The following TNFSF4 variants were observed in gnomAD, a reference collection of about 807,000 sequenced individuals.
The protein encoded by TNFSF4 is TNF superfamily member 4, also known as tumor necrosis factor ligand superfamily member 4.
Under a neutral mutation model 7.3 loss-of-function variants are expected in TNFSF4, and 4 were observed. That is an observed-to-expected ratio of 0.55 (90% CI 0.27 to 1.25). The LOEUF (loss-of-function observed/expected upper bound fraction) is 1.25. TNFSF4 is among the 50% of genes most tolerant of loss of function. TNFSF4 has a pLI of 0.12. For missense variants in TNFSF4, 181 were observed against 208.8 expected, an observed-to-expected ratio of 0.87 and a Z score of 0.82; for synonymous variants, 76 against 83.7, an observed-to-expected ratio of 0.91 and a Z score of 0.50.
chr1:173,279,688 C>T, the TNFSF4 span, among the ~76,000 whole-genome samples: 8,824 of 152,134 alleles, frequency 0.058, 406 homozygotes, highest in Non-Finnish European at 0.089. Flanking sequence ...CCCTTCCTTA[C>T]CTACACTCCA....
In TNFSF4 at chr1:173,190,167, C is replaced by T. The variant is rs188851416; in HGVS notation, c.154-1598G>A. Among the ~76,000 whole-genome samples the T allele has an allele frequency of 1.4e-3, 206 of 152,208 alleles. 2 individuals carry two copies. The highest frequency in any genetic ancestry group is 4.5e-3 in the African/African-American group (187 of 41,516). ...GGAGGGGGCCAAGATCGCCCCACTACGCTCCATCCTGAGGGACATAGGGAG... is the reference window on the plus strand; with the variant it reads ...GGAGGGGGCCAAGATCGCCCCACTATGCTCCATCCTGAGGGACATAGGGAG... On this transcript the variant is annotated intron_variant, in intron 1 of 2. Coordinates refer to ENST00000281834, the MANE Select transcript of TNFSF4 (RefSeq NM_003326.5).
At chr1:173,243,018 G>GGGGGGGGGGAA in the TNFSF4 span, among the ~76,000 whole-genome samples, 1 of 71,064 alleles carries the variant, frequency 1.4e-5, no homozygotes, top group Non-Finnish European at 3.0e-5. Flanking sequence ...GGGGGGGGGG[G>GGGGGGGGGGAA]AGCACAAAAA....
chr1:173,381,235 G>A, the TNFSF4 span, among the ~76,000 whole-genome samples: 21 of 152,200 alleles, frequency 1.4e-4, no homozygotes, highest in East Asian at 1.7e-3. Context: ...CAAAACCGCC[G>A]AGGCCTAGAC....
At chr1:173,441,003 C>T in the TNFSF4 span, among the ~76,000 whole-genome samples, 198 of 152,204 alleles carry the variant, frequency 1.3e-3, 1 homozygote, top group Middle Eastern at 3.4e-3. Flanking sequence ...CAAAAATAGA[C>T]AATAAAGATG....
At chr1:173,302,191 A>C in the TNFSF4 span, among the ~76,000 whole-genome samples, 1 of 152,050 alleles carries the variant, frequency 6.6e-6, no homozygotes, top group Non-Finnish European at 1.5e-5. Context: ...GGGCTGACAT[A>C]ATGGCAAAGC....
At chr1:173,387,836 T>C in the TNFSF4 span, among the ~76,000 whole-genome samples, 2 of 152,234 alleles carry the variant, frequency 1.3e-5, no homozygotes, top group African/African-American at 4.8e-5. Flanking sequence ...ACTGAGCATA[T>C]TTTAAAGCCA....
chr1:173,414,920 T>C, the TNFSF4 span, among the ~76,000 whole-genome samples: 2 of 152,196 alleles, frequency 1.3e-5, no homozygotes, highest in Non-Finnish European at 2.9e-5. Flanking sequence ...CAACTAGGCC[T>C]TGCCCTTGAC....
At chr1:173,280,397 C>T in the TNFSF4 span, among the ~76,000 whole-genome samples, 1 of 152,100 alleles carries the variant, frequency 6.6e-6, no homozygotes, top group Admixed American at 6.6e-5. Context: ...CATAATCTAA[C>T]TAGTAGTTGG....
At chr1:173,258,565 G>T in the TNFSF4 span, among the ~76,000 whole-genome samples, 4,018 of 152,238 alleles carry the variant, frequency 0.026, 171 homozygotes, top group African/African-American at 0.092. Flanking sequence ...CAGCTGTTTG[G>T]GTTGTGGCCT....
the TNFSF4 span, among the ~76,000 whole-genome samples, chr1:173,230,853 G>C: frequency 2.0e-5 from 3 of 152,094 alleles, no homozygotes; most frequent in Admixed American, 2.0e-4. Flanking sequence ...AGAAGAAATG[G>C]ATAAATTCCT....
the TNFSF4 span, among the ~76,000 whole-genome samples, chr1:173,263,465 A>G: frequency 6.6e-6 from 1 of 152,180 alleles, no homozygotes; most frequent in African/African-American, 2.4e-5. Context: ...TATTTTTAAT[A>G]TTCATCACTC....
chr1:173,316,159 T>G, the TNFSF4 span, among the ~76,000 whole-genome samples: 1 of 152,132 alleles, frequency 6.6e-6, no homozygotes, highest in Non-Finnish European at 1.5e-5. Flanking sequence ...CACTGCTTAT[T>G]CAAAAGACTA....
the TNFSF4 span, among the ~76,000 whole-genome samples, chr1:173,368,017 A>G: frequency 6.6e-6 from 1 of 152,188 alleles, no homozygotes; most frequent in African/African-American, 2.4e-5. Context: ...AGGGATTGTA[A>G]AATGCATCAA....
the TNFSF4 span, among the ~76,000 whole-genome samples, chr1:173,399,644 G>A: frequency 6.6e-6 from 1 of 151,748 alleles, no homozygotes; most frequent in African/African-American, 2.4e-5. Flanking sequence ...TGTGTCCCAT[G>A]TGAATGTTCA....
chr1:173,342,632 T>A, the TNFSF4 span, among the ~76,000 whole-genome samples: 4 of 152,128 alleles, frequency 2.6e-5, no homozygotes, highest in Admixed American at 2.0e-4. Flanking sequence ...TCAGTAAAGG[T>A]TCCAAATTTC....
chr1:173,311,504 T>G, the TNFSF4 span, among the ~76,000 whole-genome samples: 1 of 151,982 alleles, frequency 6.6e-6, no homozygotes, highest in Non-Finnish European at 1.5e-5. Context: ...TTCACCAGGC[T>G]GAGATTCAAA....
intron 1 of TNFSF4, among the ~76,000 whole-genome samples, chr1:173,192,918 G>T (rs186205439): frequency 2.6e-5 from 4 of 152,114 alleles, no homozygotes; most frequent in Non-Finnish European, 5.9e-5. Context: ...AACATTGCAA[G>T]AAGTTAATAA....
chr1:173,367,618 A>T, the TNFSF4 span, among the ~76,000 whole-genome samples: 57 of 152,272 alleles, frequency 3.7e-4, 1 homozygote, highest in Admixed American at 2.1e-3. Flanking sequence ...TTTTGCAAAA[A>T]CATAAGATCA....
the TNFSF4 span, among the ~76,000 whole-genome samples, chr1:173,275,446 C>T: frequency 1.3e-5 from 2 of 152,172 alleles, no homozygotes; most frequent in Non-Finnish European, 2.9e-5. Flanking sequence ...AAAAGATAGT[C>T]TGGAACTAAA....
Sources: gnomAD v4.1 joint callset for allele counts (sites outside exome capture counted in the v4.1 genomes callset) on GRCh38, gnomAD v4.1.1 for gene constraint, MANE v1.5 for transcripts, NCBI Gene and HGNC (gene_info 2026-07-23, HGNC 2026-07-21) for gene names.